The following SMYD4 variants were observed in gnomAD, a reference collection of about 807,000 sequenced individuals.
SMYD4 encodes protein-lysine N-methyltransferase SMYD4.
A neutral mutation model predicts 72.8 loss-of-function variants in SMYD4; 68 were observed. The ratio of observed to expected loss-of-function variants is 0.93; its 90% CI spans 0.77 to 1.14. SMYD4 has a LOEUF of 1.14. SMYD4 is among the 50% of genes most tolerant of loss of function. The pLI is 0.00. For synonymous variants in SMYD4, 407 were observed against 388.6 expected (o/e 1.05, Z -0.56); for missense variants, 984 against 1,003.7 (o/e 0.98, Z 0.27).
At chr17:1,826,396 G>A (rs1302809030) in intron 2 of SMYD4, among the ~76,000 whole-genome samples, 1 of 151,244 alleles carries the variant, frequency 6.6e-6, no homozygotes, top group African/African-American at 2.4e-5. Flanking sequence ...GGAGGCTGAG[G>A]CAGGAGAATC....
intron 7 of SMYD4, among the ~76,000 whole-genome samples, chr17:1,785,778 A>AAAAAAAAAAAAAG (rs1908655628): frequency 6.8e-6 from 1 of 147,744 alleles, no homozygotes; most frequent in African/African-American, 2.6e-5. Context: ...AAAAAAAAGA[A>AAAAAAAAAAAAAG]AAAAAAAAAA....
In SMYD4 at chr17:1,829,831, G is replaced by A. The variant is rs372619737; in HGVS notation, c.-118C>T. On this transcript the variant is annotated 5_prime_UTR_variant, in exon 1 of 11. Transcript: ENST00000305513. Reference sequence around the variant, plus strand: ...CCAGCGCCCGCGCAGCTCCTGGCGCGCCCCTTGGCGCCCCGCTCCGCCCCG... The same window carrying A: ...CCAGCGCCCGCGCAGCTCCTGGCGCACCCCTTGGCGCCCCGCTCCGCCCCG... 2.1e-5 allele frequency: 6 copies of A among 281,458 alleles called. No homozygotes were observed. Among genetic ancestry groups the A allele is most frequent in the Admixed American group, 1.6e-4 (3 of 18,804 alleles). The allele number at this position is 281,458 out of a possible 1,614,324, so 17.4% of individuals were successfully genotyped here.
In SMYD4 at chr17:1,800,573, A is replaced by G; in HGVS notation, c.821T>C (p.Leu274Pro). ...AFVSVLNPGE[L>P]PPPHHGLDSK... Reference sequence around the variant, plus strand: ...GTCTAGGCCGTGATGCGGTGGTGGCAGTTCTCCTGGGTTGAGAACACTCAC... The same window carrying G: ...GTCTAGGCCGTGATGCGGTGGTGGCGGTTCTCCTGGGTTGAGAACACTCAC... The change falls in exon 5 of 11, where the codon CTG becomes CCG. Residue 274 changes from leucine to proline, a missense_variant. Physicochemically the swap from Leu to Pro is moderately conservative, Grantham distance 98. Transcript: ENST00000305513. 6.2e-7 allele frequency: 1 copy of G among 1,614,194 alleles called. No homozygotes were observed. The highest frequency in any genetic ancestry group is 8.5e-7 in the Non-Finnish European group (1 of 1,180,036).
chr17:1,820,957 T>C (rs993486831), intron 2 of SMYD4, among the ~76,000 whole-genome samples: 1 of 152,208 alleles, frequency 6.6e-6, no homozygotes, highest in Non-Finnish European at 1.5e-5. Context: ...GAATTACAAA[T>C]AGCTCTTTGA....
At chr17:1,820,584 G>T (rs1483775076) in intron 2 of SMYD4, among the ~76,000 whole-genome samples, 1 of 152,068 alleles carries the variant, frequency 6.6e-6, no homozygotes, top group Non-Finnish European at 1.5e-5. Flanking sequence ...CTTCGAGCAC[G>T]TCCTTGTTTT....
rs1388176031 is a variant in SMYD4, at chr17:1,781,335, T to C, written c.2366A>G (p.Lys789Arg). The C allele has an allele frequency of 6.2e-7, 1 of 1,613,966 alleles. No homozygotes were observed. Among genetic ancestry groups the C allele is most frequent in the South Asian group, 1.1e-5 (1 of 91,070 alleles). The change falls in exon 11 of 11, where the codon AAA becomes AGA. Residue 789 changes from lysine to arginine, a missense_variant. Coordinates refer to ENST00000305513, the MANE Select transcript of SMYD4 (RefSeq NM_052928.3). Reference protein sequence around the residue: ...DDEIQELQKMKSCLLDLPPTP... With the variant: ...DDEIQELQKMRSCLLDLPPTP... ...GGGTGGTAAGTCCAACAAACAGGAT[T>C]TCATCTTCTGGAGCTCCTGGATTTC... is the stretch of plus-strand genomic sequence containing the variant.
intron 3 of SMYD4, among the ~76,000 whole-genome samples, chr17:1,806,612 A>AT (rs908119872): frequency 6.6e-5 from 10 of 152,118 alleles, no homozygotes; most frequent in Admixed American, 2.0e-4. Context: ...CAGAAATGCC[A>AT]TTTTTTTACC....
intron 3 of SMYD4, among the ~76,000 whole-genome samples, chr17:1,805,158 T>C (rs1385325995): frequency 6.6e-6 from 1 of 152,186 alleles, no homozygotes; most frequent in Admixed American, 6.6e-5. Flanking sequence ...GGCTCACGTC[T>C]GTAATTCCAG....
In SMYD4 at chr17:1,798,617, GC is replaced by G. The variant is rs546675552; in HGVS notation, c.1537+1239del. Among the ~76,000 whole-genome samples the G allele has an allele frequency of 2.6e-3, 397 of 152,114 alleles. 10 individuals carry two copies. Among genetic ancestry groups the G allele is most frequent in the Admixed American group, 0.023 (353 of 15,234 alleles). On this transcript the variant is annotated intron_variant, in intron 5 of 10. Transcript: ENST00000305513. ...ATCTCTATTAAAAAAATTTTAAAAGGCCAGGTGCAGTGGCTCATGCCTGTAA... is the reference window on the plus strand; with the variant it reads ...ATCTCTATTAAAAAAATTTTAAAAGGCAGGTGCAGTGGCTCATGCCTGTAA...
chr17:1,816,929 A>T (rs746818423), intron 2 of SMYD4, among the ~76,000 whole-genome samples: 1 of 151,854 alleles, frequency 6.6e-6, no homozygotes, highest in African/African-American at 2.4e-5. Context: ...ATTGAGTTGT[A>T]GGAGTTCTTT....
At chr17:1,817,963 C>T (rs921406569) in intron 2 of SMYD4, among the ~76,000 whole-genome samples, 5 of 145,138 alleles carry the variant, frequency 3.4e-5, no homozygotes, top group Non-Finnish European at 6.0e-5. Flanking sequence ...AGGAGAATGG[C>T]GTGAACCCGG....
intron 5 of SMYD4, among the ~76,000 whole-genome samples, chr17:1,798,308 T>G (rs6502971): frequency 1 from 152,005 of 152,106 alleles, 75,954 homozygotes; most frequent in Middle Eastern, 1. Context: ...TTGTCATGCT[T>G]TCCAGGCTAG....
chr17:1,810,057 A>C (rs1288130267), intron 3 of SMYD4, among the ~76,000 whole-genome samples: 1 of 151,770 alleles, frequency 6.6e-6, no homozygotes, highest in Non-Finnish European at 1.5e-5. Context: ...AGCCTCCCAA[A>C]GGGCTGGGAT....
intron 2 of SMYD4, among the ~76,000 whole-genome samples, chr17:1,819,788 C>T (rs1160707415): frequency 1.3e-5 from 2 of 151,886 alleles, no homozygotes; most frequent in African/African-American, 4.8e-5. Context: ...TATGTATTTA[C>T]TTATTTTTGT....
chr17:1,791,016 A>G (rs950837617), intron 5 of SMYD4, among the ~76,000 whole-genome samples: 1 of 147,888 alleles, frequency 6.8e-6, no homozygotes, highest in African/African-American at 2.5e-5. Context: ...AGTCCCAGCT[A>G]CTCGGGAGGC....
At position 1,784,578 on chromosome 17, in the gene SMYD4, T is replaced by C. The variant is rs193198666; in HGVS notation, c.1885-117A>G. On this transcript the variant is annotated intron_variant, in intron 7 of 10. Transcript: ENST00000305513. Reference sequence around the variant, plus strand: ...ACCTCATGGGGGAAAGAGACTCCTGTAACAATACATCGTGACGAAAGTCTG... The same window carrying C: ...ACCTCATGGGGGAAAGAGACTCCTGCAACAATACATCGTGACGAAAGTCTG... The C allele has an allele frequency of 2.4e-3, 3,652 of 1,504,194 alleles. 5 individuals are homozygous for C. Among genetic ancestry groups the C allele is most frequent in the Non-Finnish European group, 3.0e-3 (3,428 of 1,132,860 alleles). The allele number at this position is 1,504,194 out of a possible 1,614,324, so 93.2% of individuals were successfully genotyped here. A position where few individuals can be genotyped will look rare whatever the true frequency, so the allele number is the denominator to read the frequency against.
chr17:1,821,252 C>T (rs569480858), intron 2 of SMYD4, among the ~76,000 whole-genome samples: 9 of 152,222 alleles, frequency 5.9e-5, no homozygotes, highest in African/African-American at 2.2e-4. Context: ...AGGGGGTTCA[C>T]GCCTGTCATC....
At chr17:1,784,581 C>T in intron 7 of SMYD4, 120 bp from the exon 8 acceptor site, 13 of 1,496,468 alleles carry the variant, frequency 8.7e-6, no homozygotes, top group Non-Finnish European at 1.1e-5. Flanking sequence ...ACTCCTGTAA[C>T]AATACATCGT....
intron 2 of SMYD4, among the ~76,000 whole-genome samples, chr17:1,823,665 G>T (rs1911011173): frequency 1.3e-5 from 2 of 152,120 alleles, no homozygotes. Flanking sequence ...TTCACAGCAG[G>T]GTTGGGCACA....
Sources: allele counts gnomAD v4.1 joint callset (sites outside exome capture counted in the v4.1 genomes callset), GRCh38; gene constraint gnomAD v4.1.1; transcripts MANE v1.5; gene names NCBI Gene and HGNC (gene_info 2026-07-23, HGNC 2026-07-21).